The following ASIC2 variants were observed in gnomAD, a reference collection of about 807,000 sequenced individuals.
The protein encoded by ASIC2 is acid-sensing ion channel 2.
A neutral mutation model predicts 57.3 loss-of-function variants in ASIC2; 25 were observed. That is an observed-to-expected ratio of 0.44 (90% CI 0.32 to 0.61). The LOEUF is 0.61. ASIC2 is among the 20% of genes least tolerant of loss of function. ASIC2 has a pLI of 0.06. For synonymous variants in ASIC2, 319 were observed against 307.5 expected (o/e 1.04, Z -0.39); for missense variants, 641 against 738.1 (o/e 0.87, Z 1.52).
chr17:33,885,256 A>G (rs1914801695), intron 1 of ASIC2, among the ~76,000 whole-genome samples: 1 of 152,216 alleles, frequency 6.6e-6, no homozygotes, highest in South Asian at 2.1e-4. Flanking sequence ...CCACTCTGCT[A>G]CACTCAAAGT....
At chr17:33,124,522 C>T (rs1451803995) in intron 1 of ASIC2, among the ~76,000 whole-genome samples, 2 of 152,216 alleles carry the variant, frequency 1.3e-5, no homozygotes, top group African/African-American at 4.8e-5. Context: ...TAGATAAACA[C>T]TATTTGCCAT....
intron 1 of ASIC2, among the ~76,000 whole-genome samples, chr17:33,708,852 C>T (rs1346121715): frequency 5.9e-5 from 9 of 152,204 alleles, no homozygotes; most frequent in African/African-American, 1.7e-4. Context: ...CTTCCTCGCA[C>T]AAGCAGGAGC....
intron 1 of ASIC2, among the ~76,000 whole-genome samples, chr17:33,479,435 C>T (rs1913331956): frequency 6.6e-6 from 1 of 151,998 alleles, no homozygotes. Context: ...CATGTGTGGC[C>T]CCAGTCTCTG....
intron 1 of ASIC2, among the ~76,000 whole-genome samples, chr17:33,150,283 A>T (rs1296891862): frequency 6.6e-6 from 1 of 152,216 alleles, no homozygotes; most frequent in African/African-American, 2.4e-5. Context: ...CTATCATGAC[A>T]CCAGATTCCC....
intron 1 of ASIC2, among the ~76,000 whole-genome samples, chr17:33,204,278 C>T (rs1353366096): frequency 6.6e-6 from 1 of 152,210 alleles, no homozygotes; most frequent in African/African-American, 2.4e-5. Context: ...CTCCCCTTGT[C>T]CAGCTCTGGT....
chr17:33,493,485 T>C (rs185105201), intron 1 of ASIC2, among the ~76,000 whole-genome samples: 1 of 152,178 alleles, frequency 6.6e-6, no homozygotes. Context: ...CTCTGTAGCT[T>C]CCATAGCTTT....
At chr17:33,512,820 A>G (rs1298715531) in intron 1 of ASIC2, among the ~76,000 whole-genome samples, 1 of 152,142 alleles carries the variant, frequency 6.6e-6, no homozygotes, top group Non-Finnish European at 1.5e-5. Context: ...ATATTTACCC[A>G]TGGGAGGGTG....
intron 1 of ASIC2, among the ~76,000 whole-genome samples, chr17:33,948,139 A>G (rs1253759714): frequency 1.3e-5 from 2 of 152,180 alleles, no homozygotes; most frequent in Non-Finnish European, 1.5e-5. Context: ...CTGGACTCTG[A>G]TGGGGCAGAA....
At chr17:34,032,573 G>T (rs1157540786) in intron 1 of ASIC2, among the ~76,000 whole-genome samples, 1 of 152,150 alleles carries the variant, frequency 6.6e-6, no homozygotes, top group Non-Finnish European at 1.5e-5. Flanking sequence ...CTGGCAAATT[G>T]GATAAAGAGT....
At chr17:33,589,897 T>C (rs1904771539) in intron 1 of ASIC2, among the ~76,000 whole-genome samples, 1 of 152,218 alleles carries the variant, frequency 6.6e-6, no homozygotes, top group Non-Finnish European at 1.5e-5. Context: ...GTAGATCATA[T>C]GATAATTCTA....
chr17:33,104,675 A>T (rs2092228089), intron 2 of ASIC2, among the ~76,000 whole-genome samples: 1 of 152,164 alleles, frequency 6.6e-6, no homozygotes, highest in South Asian at 2.1e-4. Flanking sequence ...ATGGCAGCAG[A>T]CCTATCATTA....
chr17:33,182,526 C>T (rs548199709), intron 1 of ASIC2, among the ~76,000 whole-genome samples: 2 of 152,278 alleles, frequency 1.3e-5, no homozygotes, highest in African/African-American at 2.4e-5. Context: ...ATCAGTGTCT[C>T]AATTACAGGA....
chr17:33,389,375 A>G (rs545963530), intron 1 of ASIC2, among the ~76,000 whole-genome samples: 8 of 152,208 alleles, frequency 5.3e-5, no homozygotes, highest in Non-Finnish European at 1.2e-4. Context: ...GAGGCTGAGG[A>G]ATATTGATAT....
In ASIC2 at chr17:33,889,462, T is replaced by A. The variant is rs1444121176; in HGVS notation, c.555+266516A>T. Among the ~76,000 whole-genome samples, 3 of 152,200 alleles carry A rather than the reference T, an allele frequency of 2.0e-5. No homozygotes were observed. The East Asian group carries it at 5.8e-4, about 29-fold the overall frequency. On this transcript the variant is annotated intron_variant, in intron 1 of 9. Transcript: ENST00000359872. The stretch of plus-strand genomic sequence containing the variant: ...TTACTGTGAAAGATAATTCTTAAGA[T>A]TTGCCATCATTATTAACATTGACTT...
chr17:33,705,199 G>T (rs1908827324), intron 1 of ASIC2, among the ~76,000 whole-genome samples: 1 of 152,116 alleles, frequency 6.6e-6, no homozygotes, highest in South Asian at 2.1e-4. Context: ...CATTATTCAA[G>T]AACACTATGG....
intron 1 of ASIC2, among the ~76,000 whole-genome samples, chr17:33,895,810 C>G (rs1039032268): frequency 6.6e-6 from 1 of 152,148 alleles, no homozygotes; most frequent in Admixed American, 6.5e-5. Context: ...TCATGTCTTA[C>G]GAGGCAGAAC....
intron 1 of ASIC2, among the ~76,000 whole-genome samples, chr17:33,663,919 G>T (rs1039018553): frequency 1.3e-5 from 2 of 152,082 alleles, no homozygotes; most frequent in African/African-American, 4.8e-5. Context: ...CCTACCTACC[G>T]CCAGCTGCCC....
intron 1 of ASIC2, among the ~76,000 whole-genome samples, chr17:33,324,171 G>A (rs537618519): frequency 1.3e-5 from 2 of 152,274 alleles, no homozygotes; most frequent in Non-Finnish European, 2.9e-5. Context: ...GAGAGGTTTG[G>A]TGCCCTTGTG....
intron 1 of ASIC2, among the ~76,000 whole-genome samples, chr17:33,879,295 T>A (rs1914637087): frequency 6.6e-6 from 1 of 152,334 alleles, no homozygotes; most frequent in East Asian, 1.9e-4. Flanking sequence ...ATGCTCCAAT[T>A]AAAAGACACA....
Sources: gnomAD v4.1 joint callset for allele counts (sites outside exome capture counted in the v4.1 genomes callset) on GRCh38, gnomAD v4.1.1 for gene constraint, MANE v1.5 for transcripts, NCBI Gene and HGNC (gene_info 2026-07-23, HGNC 2026-07-21) for gene names.